The following ATP5F1C variants were observed in gnomAD, a reference collection of about 807,000 sequenced individuals.
The protein encoded by ATP5F1C is ATP synthase F1 subunit gamma.
In ATP5F1C, 22 loss-of-function variants were observed where a neutral mutation model predicts 37.4. The observed-to-expected ratio is 0.59, with a 90% CI of 0.42 to 0.84. ATP5F1C has a LOEUF of 0.84. Among genes scored for constraint, ATP5F1C ranks in the 40% least tolerant of loss-of-function variants. The pLI, the probability that ATP5F1C is intolerant of heterozygous loss-of-function variation, is 0.00. For missense variants in ATP5F1C, 286 were observed against 362.4 expected, an observed-to-expected ratio of 0.79 and a Z score of 1.71; for synonymous variants, 121 against 128.0, an observed-to-expected ratio of 0.95 and a Z score of 0.37.
In ATP5F1C at chr10:7,806,798, G is replaced by T. The variant is rs35152250; in HGVS notation, c.891-176G>T. ...TTGAAATCTATGACTTTTTATAACAGTCATTGAGTCTGTTTCAAAGGAATC... is the reference window on the plus strand; with the variant it reads ...TTGAAATCTATGACTTTTTATAACATTCATTGAGTCTGTTTCAAAGGAATC... On this transcript the variant is annotated intron_variant, in intron 8 of 9. Coordinates refer to ENST00000356708, the MANE Select transcript of ATP5F1C (RefSeq NM_001001973.3). Among the ~76,000 whole-genome samples, 847 of 152,160 alleles carry T rather than the reference G, an allele frequency of 5.6e-3. 8 individuals are homozygous for T. Among genetic ancestry groups the T allele is most frequent in the South Asian group, 0.024 (115 of 4,822 alleles).
chr10:7,802,660 A>G, intron 7 of ATP5F1C, 98 bp from the exon 8 acceptor site: 1 of 1,359,852 alleles, frequency 7.4e-7, no homozygotes, highest in Non-Finnish European at 1.0e-6. Flanking sequence ...TTGGTATCCA[A>G]AAATTTCTTA....
intron 8 of ATP5F1C, among the ~76,000 whole-genome samples, chr10:7,806,227 G>A (rs768899592): frequency 1.1e-4 from 16 of 152,156 alleles, no homozygotes; most frequent in Non-Finnish European, 2.2e-4. Flanking sequence ...TCTGAATCAA[G>A]ACTTGAATAT....
At chr10:7,802,662 A>T in intron 7 of ATP5F1C, 96 bp from the exon 8 acceptor site, 2 of 1,367,110 alleles carry the variant, frequency 1.5e-6, no homozygotes, top group Non-Finnish European at 1.0e-6. Flanking sequence ...GGTATCCAAA[A>T]ATTTCTTACT....
intron 4 of ATP5F1C, 174 bp from the exon 5 acceptor site, chr10:7,799,598 C>A: frequency 1.5e-6 from 1 of 662,912 alleles, no homozygotes; most frequent in Non-Finnish European, 2.5e-6. Context: ...TAGTTCTTTG[C>A]AGGTGCTGAA....
At chr10:7,807,597 T>C in intron 9 of ATP5F1C, 62 bp from the exon 10 acceptor site, 1 of 1,542,244 alleles carries the variant, frequency 6.5e-7, no homozygotes, top group Non-Finnish European at 8.9e-7. Flanking sequence ...TATTATCTCT[T>C]GACATTATTT....
rs766348762 is a variant in ATP5F1C, at chr10:7,799,935, C to A, written c.572+20C>A. 3.1e-6 allele frequency: 5 copies of A among 1,606,558 alleles called. No homozygotes were observed. The East Asian group carries it at 1.1e-4, about 36-fold the overall frequency. ...ATTCAGGCAAGACAGATTTAGAAAT[C>A]AAAGCTTTTTTATGTTCATGCTTTT... On this transcript the variant is annotated intron_variant, in intron 5 of 9. Transcript: ENST00000356708.
chr10:7,789,913 G>A (rs1187893185), intron 1 of ATP5F1C, among the ~76,000 whole-genome samples: 1 of 152,196 alleles, frequency 6.6e-6, no homozygotes, highest in Non-Finnish European at 1.5e-5. Flanking sequence ...ACTACTGTTA[G>A]GAGCTTAAAT....
intron 1 of ATP5F1C, among the ~76,000 whole-genome samples, chr10:7,794,809 A>T (rs900285677): frequency 1.3e-5 from 2 of 152,226 alleles, no homozygotes; most frequent in Non-Finnish European, 2.9e-5. Flanking sequence ...GATATTAGTC[A>T]CTGTCCACCA....
chr10:7,789,554 G>A (rs903505249), intron 1 of ATP5F1C, among the ~76,000 whole-genome samples: 1 of 152,110 alleles, frequency 6.6e-6, no homozygotes, highest in Non-Finnish European at 1.5e-5. Context: ...GCAGACATTA[G>A]CTGAGTGCTT....
At position 7,802,816 on chromosome 10, in the gene ATP5F1C, A is replaced by C. The variant is rs141932790; in HGVS notation, c.852A>C (p.Thr284=). ...ACCGTACCCGCCAAGCTGTCATCACAAAAGAGTTGATTGAAATTATCTCTG... is the reference window on the plus strand; with the variant it reads ...ACCGTACCCGCCAAGCTGTCATCACCAAAGAGTTGATTGAAATTATCTCTG... ...TFNRTRQAVI[T]KELIEIISGA... The change falls in exon 8 of 10, where the codon ACA becomes ACC. Residue 284 remains threonine (T), a synonymous_variant. Transcript: ENST00000356708. The C allele has an allele frequency of 6.2e-7, 1 of 1,614,060 alleles. No individual in the cohort carries two copies. Among genetic ancestry groups the C allele is most frequent in the African/African-American group, 1.3e-5 (1 of 75,052 alleles).
intron 1 of ATP5F1C, among the ~76,000 whole-genome samples, chr10:7,790,464 T>A (rs1337273478): frequency 6.6e-6 from 1 of 152,182 alleles, no homozygotes; most frequent in Non-Finnish European, 1.5e-5. Flanking sequence ...TTTACTGTCT[T>A]CAAATTTGGG....
Position 7,795,092 on chromosome 10 carries a change from CA to C in ATP5F1C, c.57-1028del, listed in dbSNP as rs1359013528. ...ACTGATTTGTGGGCTTATAAACATT[CA>C]TTTCCCTATTAACCTACAAATAAGA... On this transcript the variant is annotated intron_variant, in intron 1 of 9. Coordinates refer to ENST00000356708, the MANE Select transcript of ATP5F1C (RefSeq NM_001001973.3). 2.0e-5 allele frequency among the ~76,000 whole-genome samples: 3 copies of C among 152,292 alleles called. No individual in the cohort carries two copies. In the East Asian group the frequency reaches 5.8e-4, roughly 29 times the overall value.
At chr10:7,802,059 A>C (rs1161758628) in intron 6 of ATP5F1C, among the ~76,000 whole-genome samples, 1 of 152,244 alleles carries the variant, frequency 6.6e-6, no homozygotes, top group Admixed American at 6.5e-5. Flanking sequence ...GTAGAATATC[A>C]AATGGTTTAT....
In ATP5F1C at chr10:7,807,641, C is replaced by G. The variant is rs1236585348; in HGVS notation, c.*31-18C>G. The G allele has an allele frequency of 6.2e-7, 1 of 1,605,096 alleles. No individual in the cohort carries two copies. Among genetic ancestry groups the G allele is most frequent in the East Asian group, 2.2e-5 (1 of 44,664 alleles). On this transcript the variant is annotated intron_variant, in intron 9 of 9. Coordinates refer to ENST00000356708, the MANE Select transcript of ATP5F1C (RefSeq NM_001001973.3). ...AATGCTGTTTGATTTCTTACTTGTT[C>G]TGTACTTTGTTTTTCAGGTAAAGAA...
intron 1 of ATP5F1C, among the ~76,000 whole-genome samples, chr10:7,794,500 G>GT (rs56239627): frequency 0.31 from 45,452 of 146,382 alleles, 7,599 homozygotes; most frequent in Non-Finnish European, 0.38. Flanking sequence ...TTTGTGTGTT[G>GT]TTTTTTTTTT....
chr10:7,805,963 G>C (rs1158649320), intron 8 of ATP5F1C, among the ~76,000 whole-genome samples: 3 of 152,244 alleles, frequency 2.0e-5, no homozygotes, highest in Non-Finnish European at 2.9e-5. Context: ...GCATGTGCCT[G>C]TTGTCCTAGC....
intron 8 of ATP5F1C, among the ~76,000 whole-genome samples, chr10:7,804,439 C>T (rs776283177): frequency 1.4e-4 from 22 of 152,334 alleles, no homozygotes; most frequent in African/African-American, 2.4e-4. Context: ...CACTCTTTCT[C>T]GCGGCCAGGG....
chr10:7,789,936 C>G (rs1836135284), intron 1 of ATP5F1C, among the ~76,000 whole-genome samples: 1 of 152,208 alleles, frequency 6.6e-6, no homozygotes, highest in African/African-American at 2.4e-5. Context: ...GAACCACAAT[C>G]AGCATATAAA....
At chr10:7,796,621 A>G (rs78707230) in intron 2 of ATP5F1C, 7,277 of 146,650 alleles carry the variant, frequency 0.05, 310 homozygotes, top group Admixed American at 0.11. Context: ...GCCTCATTCT[A>G]TCACCCAGGC....
Sources: gnomAD v4.1 joint callset for allele counts (sites outside exome capture counted in the v4.1 genomes callset) on GRCh38, gnomAD v4.1.1 for gene constraint, MANE v1.5 for transcripts, NCBI Gene and HGNC (gene_info 2026-07-23, HGNC 2026-07-21) for gene names.